Variants in RARB observed in about 807,000 individuals in gnomAD.
RARB encodes HBV-activated protein.
RARB carries 17 observed loss-of-function variants against 51.9 expected under a neutral mutation model. The observed-to-expected ratio is 0.33, with a 90% CI of 0.22 to 0.49. The LOEUF is 0.49. Ranked by LOEUF, RARB falls within the 20% of genes least tolerant of loss-of-function variation. RARB has a pLI of 0.99. For missense variants in RARB, 369 were observed against 550.8 expected, an observed-to-expected ratio of 0.67 and a Z score of 3.30; for synonymous variants, 215 against 195.4, an observed-to-expected ratio of 1.10 and a Z score of -0.84.
chr3:25,171,949 C>T (rs546247147), intron 4 of RARB, among the ~76,000 whole-genome samples: 2 of 152,138 alleles, frequency 1.3e-5, no homozygotes, highest in South Asian at 2.1e-4. Flanking sequence ...GAGATGAAAC[C>T]GATTCAGAGG....
At chr3:25,419,801 C>T (rs1707808726) in intron 5 of RARB, among the ~76,000 whole-genome samples, 1 of 152,174 alleles carries the variant, frequency 6.6e-6, no homozygotes, top group African/African-American at 2.4e-5. Flanking sequence ...TCTATTCTTT[C>T]CCTTTCTTTA....
chr3:24,839,243 A>T (rs1346819105), intron 1 of RARB, among the ~76,000 whole-genome samples: 1 of 152,182 alleles, frequency 6.6e-6, no homozygotes, highest in Non-Finnish European at 1.5e-5. Flanking sequence ...TAAAAAATAT[A>T]AACAAAAAAT....
chr3:25,456,036 T>A (rs770144855), intron 1 of RARB, among the ~76,000 whole-genome samples: 23 of 152,174 alleles, frequency 1.5e-4, no homozygotes, highest in Non-Finnish European at 2.9e-5. Flanking sequence ...TTGGCCTGCC[T>A]GAGATCGCTG....
intron 3 of RARB, among the ~76,000 whole-genome samples, chr3:25,110,082 C>T (rs1356623236): frequency 6.6e-6 from 1 of 152,152 alleles, no homozygotes; most frequent in Admixed American, 6.5e-5. Flanking sequence ...TTAAACTCTC[C>T]AGTGTGGTTT....
Position 25,594,509 on chromosome 3 carries a change from C to T in RARB, c.992-11C>T. 1 of 1,595,050 alleles carries T rather than the reference C, an allele frequency of 6.3e-7. No individual in the cohort carries two copies. The highest frequency in any genetic ancestry group is 1.1e-5 in the South Asian group (1 of 87,488). On this transcript the variant is annotated splice_polypyrimidine_tract_variant and intron_variant, in intron 6 of 7. Coordinates refer to ENST00000330688, the MANE Select transcript of RARB (RefSeq NM_000965.5). The stretch of plus-strand genomic sequence containing the variant: ...CCTGATTTTGTTTAATACTTTATTC[C>T]TGGTATCCAGACCGCCAGGACCTTG...
chr3:25,101,667 A>G (rs1024671142), intron 3 of RARB, among the ~76,000 whole-genome samples: 40 of 148,634 alleles, frequency 2.7e-4, no homozygotes, highest in African/African-American at 9.2e-4. Flanking sequence ...TTTTTATTAT[A>G]TTCAGTATGC....
At position 25,382,631 on chromosome 3, in the gene RARB, G is replaced by A. The variant is rs183466165; in HGVS notation, c.179-78562G>A. The stretch of plus-strand genomic sequence containing the variant: ...AGCACTTTGGGAGGCCAAGGCAGGC[G>A]GATCACCTGAGGTCAGGAGTTCAAG... On this transcript the variant is annotated intron_variant, in intron 5 of 11. Transcript: ENST00000383772. Among the ~76,000 whole-genome samples, 501 of 152,306 alleles carry A rather than the reference G, an allele frequency of 3.3e-3. 2 individuals carry two copies. The highest frequency in any genetic ancestry group is 0.011 in the African/African-American group (466 of 41,562).
intron 5 of RARB, among the ~76,000 whole-genome samples, chr3:25,348,832 G>A (rs1705474214): frequency 6.6e-6 from 1 of 152,186 alleles, no homozygotes; most frequent in African/African-American, 2.4e-5. Flanking sequence ...AACTCCCAAA[G>A]TTTCTGATTA....
intron 5 of RARB, among the ~76,000 whole-genome samples, chr3:25,593,287 T>TA (rs1415117095): frequency 6.6e-6 from 1 of 152,202 alleles, no homozygotes; most frequent in Non-Finnish European, 1.5e-5. Flanking sequence ...AAATTTCTTA[T>TA]GTCCTGTTTA....
intron 2 of RARB, among the ~76,000 whole-genome samples, chr3:25,044,270 A>G (rs1698170640): frequency 6.6e-6 from 1 of 152,162 alleles, no homozygotes; most frequent in African/African-American, 2.4e-5. Context: ...TGACATTAAT[A>G]TCTTATTCCC....
chr3:25,171,460 T>C (rs1287834054), intron 4 of RARB, among the ~76,000 whole-genome samples: 5 of 125,730 alleles, frequency 4.0e-5, no homozygotes, highest in Non-Finnish European at 8.2e-5. Context: ...TTTTTTTTTT[T>C]TGCCTATTAT....
intron 2 of RARB, chr3:25,025,060 C>G (rs536060807): frequency 1.6e-4 from 24 of 151,592 alleles, no homozygotes; most frequent in African/African-American, 5.8e-4. Flanking sequence ...AGAAGTTAAG[C>G]AGGATTGGGC....
intron 4 of RARB, among the ~76,000 whole-genome samples, chr3:25,161,900 C>T (rs1199715917): frequency 6.6e-6 from 1 of 152,140 alleles, no homozygotes; most frequent in Non-Finnish European, 1.5e-5. Context: ...GAGAGCCTTC[C>T]AGGGAAAGAG....
intron 1 of RARB, among the ~76,000 whole-genome samples, chr3:24,851,051 G>A (rs1001201500): frequency 1.3e-5 from 2 of 152,174 alleles, no homozygotes; most frequent in Admixed American, 6.5e-5. Context: ...GGAAGAATTA[G>A]CTTAGAGAAA....
intron 2 of RARB, among the ~76,000 whole-genome samples, chr3:24,931,176 G>C (rs564823204): frequency 2.0e-5 from 3 of 152,122 alleles, no homozygotes; most frequent in Admixed American, 2.0e-4. Context: ...ATGTATTCTA[G>C]GGAGAGCCAT....
chr3:25,255,478 A>C (rs916654566), intron 5 of RARB, among the ~76,000 whole-genome samples: 17 of 152,164 alleles, frequency 1.1e-4, no homozygotes, highest in African/African-American at 4.1e-4. Context: ...CAAATTCAGA[A>C]AACAATTGAG....
At chr3:25,194,490 TATACACACACATAG>T (rs1701183189) in intron 5 of RARB, among the ~76,000 whole-genome samples, 2 of 150,708 alleles carry the variant, frequency 1.3e-5, no homozygotes, top group Non-Finnish European at 3.0e-5. Context: ...TATATATATA[TATACACACACATAG>T]TGATATATAT....
chr3:25,262,324 C>A (rs546117582), intron 5 of RARB, among the ~76,000 whole-genome samples: 8 of 152,188 alleles, frequency 5.3e-5, no homozygotes, highest in Admixed American at 1.3e-4. Context: ...TCACTCCTCT[C>A]CTTTTTCACC....
intron 2 of RARB, among the ~76,000 whole-genome samples, chr3:24,874,322 G>T (rs1672983849): frequency 6.6e-6 from 1 of 152,014 alleles, no homozygotes. Context: ...TGCTAAGAAT[G>T]TTGATTAAAT....
Sources: gnomAD v4.1 joint callset for allele counts (sites outside exome capture counted in the v4.1 genomes callset) on GRCh38, gnomAD v4.1.1 for gene constraint, MANE v1.5 for transcripts, NCBI Gene and HGNC (gene_info 2026-07-23, HGNC 2026-07-21) for gene names.